The following EPB41L4B variants were observed in gnomAD, a reference collection of about 807,000 sequenced individuals.
EPB41L4B encodes band 4.1-like protein 4B.
A neutral mutation model predicts 112.5 loss-of-function variants in EPB41L4B; 30 were observed. The observed-to-expected ratio is 0.27, with a 90% CI of 0.20 to 0.36. The LOEUF (loss-of-function observed/expected upper bound fraction) is 0.36. EPB41L4B is among the 10% of genes least tolerant of loss of function. EPB41L4B has a pLI of 1.00. For missense variants in EPB41L4B, 1,024 were observed against 1,133.3 expected, an observed-to-expected ratio of 0.90 and a Z score of 1.38; for synonymous variants, 408 against 439.7, an observed-to-expected ratio of 0.93 and a Z score of 0.90.
chr9:109,217,642 G>A (rs1206450764), intron 15 of EPB41L4B, among the ~76,000 whole-genome samples: 1 of 152,194 alleles, frequency 6.6e-6, no homozygotes, highest in Non-Finnish European at 1.5e-5. Flanking sequence ...TGCAAACACA[G>A]CTCACTGTGG....
intron 15 of EPB41L4B, among the ~76,000 whole-genome samples, chr9:109,238,632 A>G (rs562958893): frequency 1.3e-5 from 2 of 152,260 alleles, no homozygotes; most frequent in African/African-American, 4.8e-5. Flanking sequence ...CCATTTTAAT[A>G]CAAAGCTGTA....
chr9:109,208,126 T>C, intron 17 of EPB41L4B, 77 bp from the exon 18 acceptor site: 6 of 1,542,504 alleles, frequency 3.9e-6, no homozygotes, highest in Non-Finnish European at 5.3e-6. Flanking sequence ...CCAATAATCA[T>C]AACTGCATAT....
intron 17 of EPB41L4B, among the ~76,000 whole-genome samples, chr9:109,208,651 G>A (rs1363619109): frequency 6.6e-6 from 1 of 151,866 alleles, no homozygotes; most frequent in Non-Finnish European, 1.5e-5. Context: ...AATTACCCTG[G>A]GACCACCTAT....
At chr9:109,217,972 A>G (rs888022173) in intron 15 of EPB41L4B, among the ~76,000 whole-genome samples, 1 of 150,336 alleles carries the variant, frequency 6.7e-6, no homozygotes, top group Non-Finnish European at 1.5e-5. Context: ...TCCCACCTAG[A>G]CTCTTGTAAC....
intron 23 of EPB41L4B, 22 bp downstream of exon 23, chr9:109,185,467 C>A: frequency 1.2e-6 from 2 of 1,607,226 alleles, no homozygotes; most frequent in Non-Finnish European, 1.7e-6. Context: ...GGCCAGGCCC[C>A]TCTCCCTGCC....
intron 2 of EPB41L4B, among the ~76,000 whole-genome samples, chr9:109,269,237 A>G (rs989403610): frequency 6.6e-6 from 1 of 152,248 alleles, no homozygotes; most frequent in African/African-American, 2.4e-5. Flanking sequence ...CAGGAAAATG[A>G]GCCACACGGC....
chr9:109,271,702 G>A (rs750427643), intron 2 of EPB41L4B, among the ~76,000 whole-genome samples: 2 of 152,164 alleles, frequency 1.3e-5, no homozygotes, highest in Admixed American at 6.5e-5. Flanking sequence ...TAGCCATGCC[G>A]CCTGTGGGTA....
chr9:109,218,992 G>T (rs1370845388), intron 15 of EPB41L4B, among the ~76,000 whole-genome samples: 1 of 152,210 alleles, frequency 6.6e-6, no homozygotes. Flanking sequence ...AGAAAATGCA[G>T]AAGTGGAAGC....
chr9:109,183,912 T>G (rs1832158412), intron 23 of EPB41L4B, among the ~76,000 whole-genome samples: 1 of 152,224 alleles, frequency 6.6e-6, no homozygotes, highest in African/African-American at 2.4e-5. Flanking sequence ...CTTTCCCAAA[T>G]GGGTAAAGCA....
At chr9:109,177,966 TG>T (rs1831905238) in intron 24 of EPB41L4B, among the ~76,000 whole-genome samples, 1 of 151,760 alleles carries the variant, frequency 6.6e-6, no homozygotes, top group East Asian at 1.9e-4. Context: ...TTGCCCAGGC[TG>T]GAGTGCAGTT....
intron 17 of EPB41L4B, among the ~76,000 whole-genome samples, chr9:109,209,822 G>C (rs554361788): frequency 6.6e-6 from 1 of 152,194 alleles, no homozygotes; most frequent in South Asian, 2.1e-4. Context: ...CCAGTTTATA[G>C]ATACAAAAAA....
chr9:109,221,304 C>A (rs536715451), intron 15 of EPB41L4B, among the ~76,000 whole-genome samples: 25 of 152,270 alleles, frequency 1.6e-4, no homozygotes, highest in African/African-American at 5.8e-4. Flanking sequence ...GATTTGACGA[C>A]AGGTCTGTGG....
At chr9:109,274,232 G>T (rs2119110959) in intron 2 of EPB41L4B, among the ~76,000 whole-genome samples, 1 of 152,222 alleles carries the variant, frequency 6.6e-6, no homozygotes, top group Non-Finnish European at 1.5e-5. Context: ...CTTAGGGAAG[G>T]ACTTACAGTG....
chr9:109,258,398 C>T (rs1835061942), intron 6 of EPB41L4B, 101 bp from the exon 7 acceptor site: 2 of 1,248,468 alleles, frequency 1.6e-6, no homozygotes, highest in Admixed American at 1.9e-5. Flanking sequence ...TAAAGCACAG[C>T]CCCCCGCCCC....
intron 24 of EPB41L4B, among the ~76,000 whole-genome samples, chr9:109,177,432 T>C (rs941524031): frequency 6.6e-6 from 1 of 152,214 alleles, no homozygotes; most frequent in Non-Finnish European, 1.5e-5. Flanking sequence ...GTCTAGAGTA[T>C]ACTGTCTCAT....
intron 1 of EPB41L4B, among the ~76,000 whole-genome samples, chr9:109,281,142 T>TG (rs60515748): frequency 6.6e-6 from 1 of 151,464 alleles, no homozygotes; most frequent in Non-Finnish European, 1.5e-5. Flanking sequence ...TTTTTTTTTT[T>TG]GCTTCAAAGG....
At position 109,218,436 on chromosome 9, in the gene EPB41L4B, A is replaced by G. The variant is rs146169412; in HGVS notation, c.1410-1291T>C. Among the ~76,000 whole-genome samples, 12 of 152,136 alleles carry G rather than the reference A, an allele frequency of 7.9e-5. No homozygotes were observed. The East Asian group carries it at 2.3e-3, about 29-fold the overall frequency. The stretch of plus-strand genomic sequence containing the variant: ...CCACCGCACCCAGCCTAACACTAAT[A>G]ATTCTTAACCACTTTAAGACAGAAA... On this transcript the variant is annotated intron_variant, in intron 15 of 25. Coordinates refer to ENST00000374566, the MANE Select transcript of EPB41L4B (RefSeq NM_019114.5).
chr9:109,297,140 A>G lies in EPB41L4B; in HGVS notation c.307-17219T>C, dbSNP rs947670292. On this transcript the variant is annotated intron_variant, in intron 1 of 25. Coordinates refer to ENST00000374566, the MANE Select transcript of EPB41L4B (RefSeq NM_019114.5). ...GAAGAGATCGGGACACACAGACACC[A>G]GGGACACATACGCAGGGGAAAGACC... 4.2e-5 allele frequency among the ~76,000 whole-genome samples: 6 copies of G among 142,856 alleles called. No homozygotes were observed. In the East Asian group the frequency reaches 1.2e-3, roughly 27 times the overall value. 93.7% of individuals were successfully genotyped at this position (142,856 alleles called of 152,430 possible). A position where few individuals can be genotyped will look rare whatever the true frequency, so the allele number is the denominator to read the frequency against.
At chr9:109,304,022 C>T (rs898787782) in intron 1 of EPB41L4B, among the ~76,000 whole-genome samples, 3 of 152,060 alleles carry the variant, frequency 2.0e-5, no homozygotes, top group African/African-American at 4.8e-5. Context: ...AGATGGATGC[C>T]GGAACCAGAC....
Sources: allele counts gnomAD v4.1 joint callset (sites outside exome capture counted in the v4.1 genomes callset), GRCh38; gene constraint gnomAD v4.1.1; transcripts MANE v1.5; gene names NCBI Gene and HGNC (gene_info 2026-07-23, HGNC 2026-07-21).